The following ZRANB3 variants were observed in gnomAD, a reference collection of about 807,000 sequenced individuals.
The protein encoded by ZRANB3 is zinc finger RANBP2-type containing 3, also known as DNA annealing helicase and endonuclease ZRANB3.
ZRANB3 carries 125 observed loss-of-function variants against 133.8 expected under a neutral mutation model. The observed-to-expected ratio is 0.93, with a 90% CI of 0.81 to 1.08. The LOEUF is 1.08. ZRANB3 is among the 50% of genes least tolerant of loss of function. The pLI is 0.00. For missense variants in ZRANB3, 1,229 were observed against 1,275.5 expected (o/e 0.96, Z 0.56); for synonymous variants, 387 against 432.7 (o/e 0.89, Z 1.31).
At chr2:135,509,812 T>C (rs1384694668) in intron 1 of ZRANB3, among the ~76,000 whole-genome samples, 1 of 152,176 alleles carries the variant, frequency 6.6e-6, no homozygotes, top group Non-Finnish European at 1.5e-5. Context: ...AAAAGAAAAG[T>C]TCTATTCCTT....
At chr2:135,491,109 G>A (rs1692351677) in intron 2 of ZRANB3, among the ~76,000 whole-genome samples, 2 of 152,048 alleles carry the variant, frequency 1.3e-5, no homozygotes, top group Admixed American at 6.6e-5. Flanking sequence ...TTAATCTATT[G>A]TACATTTCAA....
chr2:135,255,201 G>A (rs1015734439), intron 12 of ZRANB3, among the ~76,000 whole-genome samples: 17 of 152,068 alleles, frequency 1.1e-4, no homozygotes, highest in African/African-American at 3.4e-4. Flanking sequence ...CATGCTAGGT[G>A]CCACTTAATC....
intron 2 of ZRANB3, among the ~76,000 whole-genome samples, chr2:135,415,700 A>T (rs1688536545): frequency 6.6e-6 from 1 of 152,238 alleles, no homozygotes; most frequent in Admixed American, 6.5e-5. Flanking sequence ...TTGATGCAAG[A>T]ATCCTCAATA....
At chr2:135,376,116 T>C (rs1324510522) in intron 3 of ZRANB3, among the ~76,000 whole-genome samples, 1 of 152,140 alleles carries the variant, frequency 6.6e-6, no homozygotes, top group Non-Finnish European at 1.5e-5. Flanking sequence ...GACAATACAG[T>C]GATGCATCTA....
At chr2:135,415,769 G>A (rs1201847645) in intron 2 of ZRANB3, among the ~76,000 whole-genome samples, 3 of 152,200 alleles carry the variant, frequency 2.0e-5, no homozygotes, top group East Asian at 3.9e-4. Flanking sequence ...ATGATCAAGT[G>A]GGCTTCATCC....
At chr2:135,273,561 G>T (rs1680641796) in intron 9 of ZRANB3, among the ~76,000 whole-genome samples, 1 of 151,392 alleles carries the variant, frequency 6.6e-6, no homozygotes, top group Admixed American at 6.6e-5. Flanking sequence ...TTGAGACGAA[G>T]TTTTGCTCTT....
Position 135,365,732 on chromosome 2 carries a change from C to A in ZRANB3, c.181-12104G>T, listed in dbSNP as rs531340827. On this transcript the variant is annotated intron_variant, in intron 3 of 20. Coordinates refer to ENST00000264159, the MANE Select transcript of ZRANB3 (RefSeq NM_032143.4). ...TGCCATTAAGGACCATAGATAAGTT[C>A]AGTTGGAGATTTTATAAAAGGAAGA... Among the ~76,000 whole-genome samples, 4 of 152,218 alleles carry A rather than the reference C, an allele frequency of 2.6e-5. No homozygotes were observed. In the East Asian group the frequency reaches 5.8e-4, roughly 22 times the overall value.
At chr2:135,425,501 T>C (rs1378876601) in intron 2 of ZRANB3, among the ~76,000 whole-genome samples, 1 of 152,156 alleles carries the variant, frequency 6.6e-6, no homozygotes, top group Non-Finnish European at 1.5e-5. Flanking sequence ...GAAATGACAG[T>C]AGGCTACATG....
intron 2 of ZRANB3, among the ~76,000 whole-genome samples, chr2:135,419,730 T>C (rs1238799950): frequency 6.6e-6 from 1 of 150,882 alleles, no homozygotes; most frequent in Non-Finnish European, 1.5e-5. Flanking sequence ...ATAAAAAAAA[T>C]TATACTGCTC....
At chr2:135,470,239 C>T (rs1458933667) in intron 2 of ZRANB3, among the ~76,000 whole-genome samples, 9 of 150,730 alleles carry the variant, frequency 6.0e-5, no homozygotes, top group African/African-American at 1.7e-4. Flanking sequence ...GCAGGAGAAT[C>T]GGTTGAACCC....
intron 1 of ZRANB3, among the ~76,000 whole-genome samples, chr2:135,508,605 G>C (rs1176427728): frequency 2.0e-5 from 3 of 151,966 alleles, no homozygotes; most frequent in Admixed American, 6.6e-5. Context: ...ATTATAGTGT[G>C]GTTCATTGAT....
intron 2 of ZRANB3, among the ~76,000 whole-genome samples, chr2:135,482,755 G>A (rs1415540784): frequency 6.6e-6 from 1 of 152,196 alleles, no homozygotes; most frequent in African/African-American, 2.4e-5. Flanking sequence ...CAGTGGGTTT[G>A]TCATAGATAG....
chr2:135,340,931 T>C lies in ZRANB3; in HGVS notation c.677+4619A>G, dbSNP rs559644283. Among the ~76,000 whole-genome samples, 3 of 150,348 alleles carry C rather than the reference T, an allele frequency of 2.0e-5. No individual in the cohort carries two copies. In the East Asian group the frequency reaches 5.8e-4, roughly 29 times the overall value. On this transcript the variant is annotated intron_variant, in intron 6 of 20. Coordinates refer to ENST00000264159, the MANE Select transcript of ZRANB3 (RefSeq NM_032143.4). The stretch of plus-strand genomic sequence containing the variant: ...GTATGTCTTTTTATTTATCTTTTTA[T>C]ATGTCCTTTAGTAATATTCTTGAGT...
In ZRANB3 at chr2:135,504,422, T is replaced by C; in HGVS notation, c.68A>G (p.Asp23Gly). The C allele has an allele frequency of 6.2e-7, 1 of 1,613,716 alleles. No individual in the cohort carries two copies. Among genetic ancestry groups the C allele is most frequent in the Non-Finnish European group, 8.5e-7 (1 of 1,179,762 alleles). Residue 23 changes from aspartate (D) to glycine (G), a missense_variant, in exon 2 of 21, where the codon GAT (aspartate) becomes GGT (glycine). By Grantham distance (94) the Asp-to-Gly change is moderately conservative. Coordinates refer to ENST00000264159, the MANE Select transcript of ZRANB3 (RefSeq NM_032143.4). ...GTCAGGCAAAAAATCCAGCAGATTATCAGATTCATTTGTCACACAAGAAAT... is the reference window on the plus strand; with the variant it reads ...GTCAGGCAAAAAATCCAGCAGATTACCAGATTCATTTGTCACACAAGAAAT... ...PHISCVTNESDNLLDFLPDRL... is the reference protein window; with the variant it reads ...PHISCVTNESGNLLDFLPDRL...
At chr2:135,471,133 T>C (rs886965892) in intron 2 of ZRANB3, among the ~76,000 whole-genome samples, 1 of 150,040 alleles carries the variant, frequency 6.7e-6, no homozygotes, top group Non-Finnish European at 1.5e-5. Context: ...CAGAAAGATA[T>C]CCACCAAGGC....
chr2:135,272,248 C>A (rs2105121108), intron 9 of ZRANB3, among the ~76,000 whole-genome samples: 1 of 152,094 alleles, frequency 6.6e-6, no homozygotes, highest in South Asian at 2.1e-4. Context: ...AAACTTTAAA[C>A]CATGGATCAG....
rs532610838 is a variant in ZRANB3 at position 135,223,934 on chromosome 2, G to A, written c.2250+492C>T. The stretch of plus-strand genomic sequence containing the variant: ...TTAACATTTATGGAGAGTTCATATA[G>A]GCCAGGCACTGTGCTAAGTGCTTTA... On this transcript the variant is annotated intron_variant, in intron 15 of 20. Transcript: ENST00000264159. Among the ~76,000 whole-genome samples, 10 of 152,272 alleles carry A rather than the reference G, an allele frequency of 6.6e-5. No individual in the cohort carries two copies. In the South Asian group the frequency reaches 1.9e-3, roughly 28 times the overall value.
At chr2:135,200,896 T>C (rs1478571057) in intron 20 of ZRANB3, among the ~76,000 whole-genome samples, 2 of 152,026 alleles carry the variant, frequency 1.3e-5, no homozygotes, top group Non-Finnish European at 2.9e-5. Context: ...GCTGGAATTA[T>C]AGGCACCTGC....
At chr2:135,288,055 A>C (rs1003789454) in intron 8 of ZRANB3, among the ~76,000 whole-genome samples, 1 of 152,010 alleles carries the variant, frequency 6.6e-6, no homozygotes, top group East Asian at 1.9e-4. Context: ...ATTTGGTATA[A>C]TGTTCGCTGT....
Sources: allele counts gnomAD v4.1 joint callset (sites outside exome capture counted in the v4.1 genomes callset), GRCh38; gene constraint gnomAD v4.1.1; transcripts MANE v1.5; gene names NCBI Gene and HGNC (gene_info 2026-07-23, HGNC 2026-07-21).